Variants in KSR2 observed in about 807,000 individuals in gnomAD.
KSR2 encodes the protein kinase suppressor of ras 2.
Under a neutral mutation model 107.8 loss-of-function variants are expected in KSR2, and 25 were observed. The observed-to-expected ratio is 0.23, with a 90% CI of 0.17 to 0.32. The LOEUF (loss-of-function observed/expected upper bound fraction) is 0.32, where lower values mean the gene tolerates loss of function less well. KSR2 is among the 10% of genes least tolerant of loss of function. The pLI, the probability that KSR2 is intolerant of heterozygous loss-of-function variation, is 1.00. For missense variants in KSR2, 887 were observed against 1,268.9 expected, an observed-to-expected ratio of 0.70 and a Z score of 4.57; for synonymous variants, 480 against 507.0, an observed-to-expected ratio of 0.95 and a Z score of 0.71.
chr12:117,837,259 T>C (rs1892257677), intron 3 of KSR2, among the ~76,000 whole-genome samples: 1 of 152,166 alleles, frequency 6.6e-6, no homozygotes, highest in African/African-American at 2.4e-5. Context: ...TGTAGCTGGG[T>C]CAAGCCCTCC....
At chr12:117,753,981 TGTGTGTGTGTGTGTGTGTG>T (rs1888700417) in intron 4 of KSR2, among the ~76,000 whole-genome samples, 1 of 151,098 alleles carries the variant, frequency 6.6e-6, no homozygotes, top group South Asian at 2.1e-4. Flanking sequence ...TGTGTGTGTG[TGTGTGTGTGTGTGTGTGTG>T]TTTTAGGAAT....
intron 1 of KSR2, among the ~76,000 whole-genome samples, chr12:117,965,892 C>T (rs1281234511): frequency 6.6e-6 from 1 of 152,198 alleles, no homozygotes; most frequent in Non-Finnish European, 1.5e-5. Context: ...GTTGGCTGGA[C>T]TTGGCTGGAC....
At chr12:117,828,320 G>C (rs1382356990) in intron 3 of KSR2, among the ~76,000 whole-genome samples, 3 of 152,190 alleles carry the variant, frequency 2.0e-5, no homozygotes, top group Non-Finnish European at 4.4e-5. Context: ...CCACAGTCAA[G>C]TTCAGGTAGA....
intron 3 of KSR2, among the ~76,000 whole-genome samples, chr12:117,812,668 G>A (rs1195492559): frequency 6.6e-6 from 1 of 151,834 alleles, no homozygotes; most frequent in Non-Finnish European, 1.5e-5. Context: ...GAGAAAAATG[G>A]AAAGATATCC....
chr12:117,819,465 C>T (rs1350872899), intron 3 of KSR2, among the ~76,000 whole-genome samples: 1 of 152,154 alleles, frequency 6.6e-6, no homozygotes, highest in Non-Finnish European at 1.5e-5. Context: ...TGCTGGAGGG[C>T]ACAGTGGGGG....
chr12:117,561,159 T>C (rs1313860270), intron 7 of KSR2, among the ~76,000 whole-genome samples: 1 of 152,208 alleles, frequency 6.6e-6, no homozygotes, highest in Non-Finnish European at 1.5e-5. Context: ...GTAGAGTGGA[T>C]ATGTAATTAT....
intron 4 of KSR2, among the ~76,000 whole-genome samples, chr12:117,756,399 G>C (rs1304247108): frequency 6.6e-6 from 1 of 152,158 alleles, no homozygotes; most frequent in African/African-American, 2.4e-5. Context: ...TACGAATTAC[G>C]CTAAATCTAC....
intron 1 of KSR2, among the ~76,000 whole-genome samples, chr12:117,956,130 G>A (rs530558226): frequency 4.6e-5 from 7 of 151,126 alleles, no homozygotes; most frequent in African/African-American, 1.7e-4. Flanking sequence ...GGCGCCTGTA[G>A]TCCCAGCTAC....
chr12:117,771,456 T>C (rs1475101628), intron 3 of KSR2, among the ~76,000 whole-genome samples: 1 of 152,092 alleles, frequency 6.6e-6, no homozygotes. Flanking sequence ...CTTGGACACA[T>C]GTCATCAGGA....
intron 5 of KSR2, among the ~76,000 whole-genome samples, chr12:117,599,352 G>A (rs2136287076): frequency 6.6e-6 from 1 of 152,274 alleles, no homozygotes; most frequent in African/African-American, 2.4e-5. Flanking sequence ...GATTCCTGGG[G>A]GAAGGATAGG....
rs150522473 is a variant in KSR2, at chr12:117,708,619, A to G, written c.987-40961T>C. ...TGCCAGAGAATATCTCTCTGCTGTC[A>G]GTCTCTCCAACAATTGACTGAGGCT... is the stretch of plus-strand genomic sequence containing the variant. On this transcript the variant is annotated intron_variant, in intron 4 of 19. Coordinates refer to ENST00000339824, the MANE Select transcript of KSR2 (RefSeq NM_173598.6). 4.5e-4 allele frequency among the ~76,000 whole-genome samples: 68 copies of G among 152,314 alleles called. 1 individual carries two copies. Among genetic ancestry groups the G allele is most frequent in the African/African-American group, 1.5e-3 (62 of 41,574 alleles).
At chr12:117,753,243 T>C (rs746604887) in intron 4 of KSR2, among the ~76,000 whole-genome samples, 3 of 152,206 alleles carry the variant, frequency 2.0e-5, no homozygotes, top group Non-Finnish European at 2.9e-5. Flanking sequence ...TCTCCATCCC[T>C]AACCTCCAGT....
At chr12:117,678,643 T>A (rs145248972) in intron 4 of KSR2, among the ~76,000 whole-genome samples, 153 of 152,244 alleles carry the variant, frequency 1.0e-3, no homozygotes, top group African/African-American at 3.4e-3. Context: ...GGAATATGGT[T>A]CCCCTATGGT....
intron 3 of KSR2, among the ~76,000 whole-genome samples, chr12:117,780,593 TG>T (rs1889848984): frequency 6.6e-6 from 1 of 152,168 alleles, no homozygotes; most frequent in Non-Finnish European, 1.5e-5. Flanking sequence ...TTTGGGATTA[TG>T]AAAAAGCTCT....
At chr12:117,917,012 T>C (rs1293038827) in intron 1 of KSR2, among the ~76,000 whole-genome samples, 2 of 152,190 alleles carry the variant, frequency 1.3e-5, no homozygotes, top group Admixed American at 1.3e-4. Flanking sequence ...GATAATCCTT[T>C]GCTGTGATGG....
At chr12:117,490,905 A>G (rs1319117531) in intron 14 of KSR2, among the ~76,000 whole-genome samples, 2 of 152,238 alleles carry the variant, frequency 1.3e-5, no homozygotes, top group African/African-American at 2.4e-5. Flanking sequence ...TATTGTATTT[A>G]TCTCACATTT....
chr12:117,650,555 A>T (rs1048975219), intron 5 of KSR2, among the ~76,000 whole-genome samples: 6 of 152,176 alleles, frequency 3.9e-5, no homozygotes, highest in African/African-American at 1.4e-4. Context: ...AGACCCAAAA[A>T]TGCTAAGGAC....
rs1465979784 is a variant in KSR2 at position 117,696,890 on chromosome 12, G to C, written c.987-29232C>G. On this transcript the variant is annotated intron_variant, in intron 4 of 19. Coordinates refer to ENST00000339824, the MANE Select transcript of KSR2 (RefSeq NM_173598.6). The stretch of plus-strand genomic sequence containing the variant: ...CCTACCTCCCTGGGTCGCTGGGAGG[G>C]TTTCCTGAGACTGGACGTGTTAAGC... 2.0e-5 allele frequency among the ~76,000 whole-genome samples: 3 copies of C among 152,126 alleles called. No homozygotes were observed. The East Asian group carries it at 5.8e-4, about 29-fold the overall frequency.
intron 14 of KSR2, among the ~76,000 whole-genome samples, chr12:117,504,947 T>C (rs1342271157): frequency 6.6e-6 from 1 of 152,192 alleles, no homozygotes; most frequent in African/African-American, 2.4e-5. Context: ...AAGCCTATTA[T>C]ATCACTCTGT....
Sources: allele counts gnomAD v4.1 joint callset (sites outside exome capture counted in the v4.1 genomes callset), GRCh38; gene constraint gnomAD v4.1.1; transcripts MANE v1.5; gene names NCBI Gene and HGNC (gene_info 2026-07-23, HGNC 2026-07-21).